The following SLC35F1 variants were observed in gnomAD, a reference collection of about 807,000 sequenced individuals.
SLC35F1 encodes solute carrier family 35 member F1, also known as chromosome 6 open reading frame 169.
In SLC35F1, 14 loss-of-function variants were observed where a neutral mutation model predicts 48.7. The ratio of observed to expected loss-of-function variants is 0.29; its 90% confidence interval spans 0.19 to 0.45. The LOEUF (loss-of-function observed/expected upper bound fraction) is 0.45, where lower values mean the gene tolerates loss of function less well. Ranked by LOEUF, SLC35F1 falls within the 20% of genes least tolerant of loss-of-function variation. The probability of loss-of-function intolerance (pLI) is 1.00; values close to 1 mark genes in which losing one functional copy is unlikely to be tolerated. For missense variants in SLC35F1, 404 were observed against 500.0 expected (o/e 0.81, Z 1.83); for synonymous variants, 190 against 202.2 (o/e 0.94, Z 0.51).
At chr6:118,005,900 A>G (rs1777166812) in intron 1 of SLC35F1, among the ~76,000 whole-genome samples, 1 of 152,170 alleles carries the variant, frequency 6.6e-6, no homozygotes, top group African/African-American at 2.4e-5. Flanking sequence ...TACTGCTTCT[A>G]CAACTTACAT....
intron 4 of SLC35F1, among the ~76,000 whole-genome samples, chr6:118,274,128 A>G (rs534881495): frequency 1.1e-4 from 17 of 152,266 alleles, no homozygotes; most frequent in Non-Finnish European, 7.4e-5. Flanking sequence ...CCTTAGAATC[A>G]TGCTGGAGTA....
intron 1 of SLC35F1, among the ~76,000 whole-genome samples, chr6:117,986,814 T>A (rs989023131): frequency 2.0e-5 from 3 of 152,196 alleles, no homozygotes; most frequent in Admixed American, 2.0e-4. Context: ...TCTGAAGAGC[T>A]TTTGCTCTCG....
intron 1 of SLC35F1, among the ~76,000 whole-genome samples, chr6:118,132,579 T>C (rs1051154639): frequency 2.0e-5 from 3 of 152,236 alleles, no homozygotes; most frequent in African/African-American, 4.8e-5. Context: ...GCATGGCACA[T>C]AGTAAATGCT....
chr6:118,246,897 G>A (rs1203678341), intron 3 of SLC35F1, among the ~76,000 whole-genome samples: 1 of 152,096 alleles, frequency 6.6e-6, no homozygotes, highest in Non-Finnish European at 1.5e-5. Context: ...TTCCTACTAA[G>A]TGACTTTTAA....
chr6:117,982,830 A>C, intron 1 of SLC35F1, among the ~76,000 whole-genome samples: 1 of 152,190 alleles, frequency 6.6e-6, no homozygotes. Flanking sequence ...AAACAAAAAA[A>C]CGTAGTTTTT....
intron 2 of SLC35F1, among the ~76,000 whole-genome samples, chr6:118,215,809 G>A (rs1180185637): frequency 6.6e-6 from 1 of 152,132 alleles, no homozygotes; most frequent in African/African-American, 2.4e-5. Context: ...AGAACTACCA[G>A]GGGCAGAGGC....
intron 1 of SLC35F1, among the ~76,000 whole-genome samples, chr6:118,111,973 G>A (rs1773408659): frequency 6.6e-6 from 1 of 152,152 alleles, no homozygotes; most frequent in Non-Finnish European, 1.5e-5. Flanking sequence ...TTATGGCTAA[G>A]GGAACAAATT....
intron 1 of SLC35F1, among the ~76,000 whole-genome samples, chr6:117,923,629 A>G (rs1054166688): frequency 0.037 from 2,832 of 77,288 alleles, 728 homozygotes; most frequent in Admixed American, 0.084. Context: ...GTATATATAC[A>G]TATATGTACA....
At chr6:117,919,428 G>A (rs1378954052) in intron 1 of SLC35F1, among the ~76,000 whole-genome samples, 1 of 152,180 alleles carries the variant, frequency 6.6e-6, no homozygotes, top group East Asian at 1.9e-4. Flanking sequence ...AAGCTGCCAA[G>A]CACCATGTAA....
intron 2 of SLC35F1, among the ~76,000 whole-genome samples, chr6:118,213,935 T>C (rs1445813159): frequency 6.6e-6 from 1 of 152,226 alleles, no homozygotes; most frequent in African/African-American, 2.4e-5. Context: ...AGTGTTTTAC[T>C]TTTTAATTTT....
intron 2 of SLC35F1, among the ~76,000 whole-genome samples, chr6:118,165,064 G>T (rs934553104): frequency 6.6e-6 from 1 of 152,150 alleles, no homozygotes; most frequent in African/African-American, 2.4e-5. Context: ...AGGAGCCAGA[G>T]CCACCCTTGG....
chr6:118,226,711 G>A (rs1370648649), intron 2 of SLC35F1, among the ~76,000 whole-genome samples: 1 of 152,176 alleles, frequency 6.6e-6, no homozygotes, highest in Admixed American at 6.5e-5. Flanking sequence ...GGGAAGAGTA[G>A]AGAGGAGTGG....
chr6:118,132,105 A>G (rs1038684678), intron 1 of SLC35F1, among the ~76,000 whole-genome samples: 1 of 152,170 alleles, frequency 6.6e-6, no homozygotes, highest in Non-Finnish European at 1.5e-5. Context: ...TGTTGTTTCA[A>G]GAAACCGAAG....
chr6:117,980,178 A>AG (rs1480021215), intron 1 of SLC35F1, among the ~76,000 whole-genome samples: 1 of 152,082 alleles, frequency 6.6e-6, no homozygotes, highest in Non-Finnish European at 1.5e-5. Flanking sequence ...ACAATGTGTG[A>AG]GGGGGGAAAC....
At chr6:117,908,570 G>T (rs1775725476) in intron 1 of SLC35F1, among the ~76,000 whole-genome samples, 1 of 152,226 alleles carries the variant, frequency 6.6e-6, no homozygotes, top group African/African-American at 2.4e-5. Context: ...ATTCCGAAGC[G>T]CCCATGCCGG....
chr6:118,221,433 A>G (rs1775149768), intron 2 of SLC35F1, among the ~76,000 whole-genome samples: 1 of 152,136 alleles, frequency 6.6e-6, no homozygotes, highest in Admixed American at 6.5e-5. Context: ...CTGACCTCCA[A>G]GACTGAAATA....
Position 118,261,846 on chromosome 6 carries a change from G to A in SLC35F1, c.478-5149G>A, listed in dbSNP as rs568994425. 3.3e-5 allele frequency among the ~76,000 whole-genome samples: 5 copies of A among 152,158 alleles called. No homozygotes were observed. In the South Asian group the frequency reaches 8.3e-4, roughly 25 times the overall value. Reference sequence around the variant, plus strand: ...TAACTCCCTCTATCCCACCCCTCTGGGGCTGGGATGTGCCAGCAGTTGCCC... The same window carrying A: ...TAACTCCCTCTATCCCACCCCTCTGAGGCTGGGATGTGCCAGCAGTTGCCC... On this transcript the variant is annotated intron_variant, in intron 3 of 7. Coordinates refer to ENST00000360388, the MANE Select transcript of SLC35F1 (RefSeq NM_001029858.4).
chr6:117,928,216 G>C (rs151260245), intron 1 of SLC35F1, among the ~76,000 whole-genome samples: 205 of 152,090 alleles, frequency 1.3e-3, no homozygotes, highest in Middle Eastern at 3.2e-3. Context: ...AAATGAGAGC[G>C]AATATAGAAC....
chr6:118,227,004 A>G (rs1417850723), intron 2 of SLC35F1, among the ~76,000 whole-genome samples: 3 of 152,228 alleles, frequency 2.0e-5, no homozygotes, highest in Non-Finnish European at 4.4e-5. Context: ...TTAAAAAGTG[A>G]CAAAGTTGCT....
Sources: gnomAD v4.1 joint callset for allele counts (sites outside exome capture counted in the v4.1 genomes callset) on GRCh38, gnomAD v4.1.1 for gene constraint, MANE v1.5 for transcripts, NCBI Gene and HGNC (gene_info 2026-07-23, HGNC 2026-07-21) for gene names.